Variants in DOCK4 observed in about 807,000 individuals in gnomAD.
DOCK4 encodes the protein dedicator of cytokinesis 4, also known as dedicator of cytokinesis protein 4.
A neutral mutation model predicts 268.1 loss-of-function variants in DOCK4; 97 were observed. That is an observed-to-expected ratio of 0.36 (90% confidence interval 0.31 to 0.43). DOCK4 has a LOEUF of 0.43. Among genes scored for constraint, DOCK4 ranks in the 20% least tolerant of loss-of-function variants. DOCK4 has a pLI of 1.00. For synonymous variants in DOCK4, 954 were observed against 887.2 expected (o/e 1.08, Z -1.34); for missense variants, 2,145 against 2,455.7 (o/e 0.87, Z 2.67).
intron 35 of DOCK4, among the ~76,000 whole-genome samples, chr7:111,779,083 A>T (rs796094023): frequency 6.6e-5 from 10 of 151,690 alleles, no homozygotes; most frequent in African/African-American, 9.7e-5. Flanking sequence ...CTCTAAAAAA[A>T]AAAAATAAAA....
At chr7:111,748,931 T>C (rs1796453861) in intron 42 of DOCK4, among the ~76,000 whole-genome samples, 1 of 151,888 alleles carries the variant, frequency 6.6e-6, no homozygotes, top group Admixed American at 6.6e-5. Flanking sequence ...CATGGAAAAA[T>C]ATTACACACA....
chr7:112,155,845 C>T (rs947529106), intron 1 of DOCK4, among the ~76,000 whole-genome samples: 3 of 152,162 alleles, frequency 2.0e-5, no homozygotes, highest in African/African-American at 7.2e-5. Context: ...TCTGCATGAT[C>T]CTATGTGACA....
At chr7:111,817,410 C>T (rs1801638483) in intron 27 of DOCK4, among the ~76,000 whole-genome samples, 1 of 152,136 alleles carries the variant, frequency 6.6e-6, no homozygotes, top group Admixed American at 6.5e-5. Context: ...ATTCCACCTT[C>T]CTTCCTGTTA....
At chr7:112,136,537 GC>G (rs1246149880) in intron 1 of DOCK4, among the ~76,000 whole-genome samples, 1 of 152,206 alleles carries the variant, frequency 6.6e-6, no homozygotes, top group Non-Finnish European at 1.5e-5. Context: ...GGATGATGTG[GC>G]AAACAGAATT....
At chr7:111,878,212 A>G (rs1318136800) in intron 16 of DOCK4, among the ~76,000 whole-genome samples, 2 of 152,250 alleles carry the variant, frequency 1.3e-5, no homozygotes, top group Admixed American at 1.3e-4. Flanking sequence ...ACAACACTTA[A>G]GAAATAGATA....
chr7:111,778,170 A>T, intron 36 of DOCK4, 106 bp downstream of exon 36: 1 of 698,164 alleles, frequency 1.4e-6, no homozygotes, highest in Non-Finnish European at 2.4e-6. Flanking sequence ...TTTTAATTTT[A>T]AAGTAGAAAT....
chr7:112,008,517 T>C (rs995516800), intron 1 of DOCK4, among the ~76,000 whole-genome samples: 5 of 152,190 alleles, frequency 3.3e-5, no homozygotes, highest in Non-Finnish European at 5.9e-5. Context: ...AACTCCTAAT[T>C]TTCTATGAGG....
intron 1 of DOCK4, among the ~76,000 whole-genome samples, chr7:112,129,247 A>G (rs2116065704): frequency 6.6e-6 from 1 of 152,320 alleles, no homozygotes; most frequent in South Asian, 2.1e-4. Flanking sequence ...TAACAACTTG[A>G]ATGGATCCCA....
At chr7:111,909,107 T>C (rs1233001661) in intron 13 of DOCK4, among the ~76,000 whole-genome samples, 1 of 152,228 alleles carries the variant, frequency 6.6e-6, no homozygotes, top group Admixed American at 6.5e-5. Flanking sequence ...TCCACAATGG[T>C]TGAACTATTT....
intron 35 of DOCK4, among the ~76,000 whole-genome samples, chr7:111,781,008 C>T (rs1418079109): frequency 6.6e-6 from 1 of 152,186 alleles, no homozygotes; most frequent in Non-Finnish European, 1.5e-5. Flanking sequence ...TATATTAAAT[C>T]TCAGGTGTAT....
At chr7:111,856,251 T>C (rs1464665492) in intron 23 of DOCK4, among the ~76,000 whole-genome samples, 1 of 152,210 alleles carries the variant, frequency 6.6e-6, no homozygotes, top group African/African-American at 2.4e-5. Flanking sequence ...AGAAACATAG[T>C]AAGAGAACTA....
At position 111,956,986 on chromosome 7, in the gene DOCK4, A is replaced by G. The variant is rs187767917; in HGVS notation, c.702-11188T>C. On this transcript the variant is annotated intron_variant, in intron 8 of 52. Transcript: ENST00000428084. ...ACTTTTAAAAATGAAAATGATCTAA[A>G]GCATCATTAAATACTATTTATTAAT... 5.4e-3 allele frequency among the ~76,000 whole-genome samples: 822 copies of G among 152,328 alleles called. 9 individuals are homozygous for G. Among genetic ancestry groups the G allele is most frequent in the African/African-American group, 0.019 (784 of 41,588 alleles).
chr7:111,872,996 G>A (rs1055775536), intron 17 of DOCK4, among the ~76,000 whole-genome samples: 3 of 152,176 alleles, frequency 2.0e-5, no homozygotes, highest in Admixed American at 6.5e-5. Flanking sequence ...CTTTATTCCC[G>A]TTTGGGTGCC....
rs1386299726 is a variant in DOCK4, at chr7:111,782,924, C to T, written c.3525G>A (p.Arg1175=). ...CTACCTCTCCCATTTTCATGCAGTC[C>T]CTAAAAACAAAAAGCAATAGTCAGA... ...TRLMERLLDY[R]DCMKMGEVDG... Residue 1175 remains arginine (R), a splice_region_variant and synonymous_variant, in exon 35 of 53, where the codon AGG becomes AGA. Coordinates refer to ENST00000428084, the MANE Select transcript of DOCK4 (RefSeq NM_001363540.2). 6.2e-7 allele frequency: 1 copy of T among 1,612,350 alleles called. No homozygotes were observed. Among genetic ancestry groups the T allele is most frequent in the Non-Finnish European group, 8.5e-7 (1 of 1,179,512 alleles).
At chr7:111,807,461 A>G (rs1800758317) in intron 30 of DOCK4, 1 of 151,084 alleles carries the variant, frequency 6.6e-6, no homozygotes. Flanking sequence ...GGTTGTTTTC[A>G]AGATGATAAC....
chr7:112,028,835 C>T (rs906765967), intron 1 of DOCK4, among the ~76,000 whole-genome samples: 6 of 152,210 alleles, frequency 3.9e-5, no homozygotes, highest in Non-Finnish European at 5.9e-5. Context: ...CAGCGTTAGA[C>T]AACAAGCATT....
intron 30 of DOCK4, among the ~76,000 whole-genome samples, chr7:111,791,070 TTATATATATATATATATA>T (rs35033313): frequency 1.0e-5 from 1 of 95,484 alleles, no homozygotes; most frequent in African/African-American, 6.1e-5. Context: ...AAAAAAAAAA[TTATATATATATATATATA>T]TATATATATA....
intron 1 of DOCK4, among the ~76,000 whole-genome samples, chr7:112,046,536 C>T (rs1804837903): frequency 6.6e-6 from 1 of 152,098 alleles, no homozygotes; most frequent in African/African-American, 2.4e-5. Context: ...ACAAAAGAAA[C>T]TGGATTTAAC....
At chr7:111,812,597 T>G (rs540391842) in intron 27 of DOCK4, among the ~76,000 whole-genome samples, 1 of 152,174 alleles carries the variant, frequency 6.6e-6, no homozygotes. Flanking sequence ...AAGAAAGCCA[T>G]GCTTTTTAAA....
Sources: gnomAD v4.1 joint callset for allele counts (sites outside exome capture counted in the v4.1 genomes callset) on GRCh38, gnomAD v4.1.1 for gene constraint, MANE v1.5 for transcripts, NCBI Gene and HGNC (gene_info 2026-07-23, HGNC 2026-07-21) for gene names.